The following ZAP70 variants were observed in gnomAD, a reference collection of about 807,000 sequenced individuals.
ZAP70 encodes the protein tyrosine-protein kinase ZAP-70.
In ZAP70, 27 loss-of-function variants were observed where a neutral mutation model predicts 65.8. The ratio of observed to expected loss-of-function variants is 0.41; its 90% CI spans 0.30 to 0.57. ZAP70 has a LOEUF of 0.57. Ranked by LOEUF, ZAP70 falls within the 20% of genes least tolerant of loss-of-function variation. ZAP70 has a pLI of 0.28. For synonymous variants in ZAP70, 363 were observed against 360.8 expected (o/e 1.01, Z -0.07); for missense variants, 696 against 870.5 (o/e 0.80, Z 2.52).
At chr2:97,738,908 T>C (rs1480939663) in intron 13 of ZAP70, among the ~76,000 whole-genome samples, 1 of 152,086 alleles carries the variant, frequency 6.6e-6, no homozygotes, top group Non-Finnish European at 1.5e-5. Flanking sequence ...ACAGTACCGT[T>C]AATACTGCCG....
rs746909186 is a variant in ZAP70 at position 97,724,061 on chromosome 2, C to G, written c.25C>G (p.Pro9Ala). ...GATGCCAGACCCCGCGGCGCACCTG[C>G]CCTTCTTCTACGGCAGCATCTCGCG... MPDPAAHL[P>A]FFYGSISRAE... Residue 9 changes from proline to alanine, a missense_variant, in exon 3 of 14, where the codon CCC becomes GCC. By Grantham distance (27) the Pro-to-Ala change is conservative. Transcript: ENST00000264972. 6 of 1,557,554 alleles carry G rather than the reference C, an allele frequency of 3.9e-6. No individual in the cohort carries two copies. Among genetic ancestry groups the G allele is most frequent in the Non-Finnish European group, 4.3e-6 (5 of 1,156,970 alleles).
In ZAP70 at chr2:97,732,331, CTG is replaced by C. The variant is rs1170055568; in HGVS notation, c.564-547_564-546del. Among the ~76,000 whole-genome samples the C allele has an allele frequency of 2.0e-5, 3 of 152,312 alleles. No individual in the cohort carries two copies. The East Asian group carries it at 5.8e-4, about 29-fold the overall frequency. On this transcript the variant is annotated intron_variant, in intron 4 of 13. Transcript: ENST00000264972. ...AAGCTTGTCATGGAGCTGCGCCTAC[CTG>C]TGTGGGTCTGTGTGGAAAAGGCTTT...
At chr2:97,721,568 C>T (rs1021327686) in intron 2 of ZAP70, among the ~76,000 whole-genome samples, 2 of 149,094 alleles carry the variant, frequency 1.3e-5, no homozygotes, top group South Asian at 2.1e-4. Flanking sequence ...CGCCCGCCAC[C>T]ATGGCTGGCT....
At chr2:97,750,255 T>G in the ZAP70 span, among the ~76,000 whole-genome samples, 1 of 152,184 alleles carries the variant, frequency 6.6e-6, no homozygotes, top group Non-Finnish European at 1.5e-5. Flanking sequence ...TTAAAGCAGC[T>G]GGGCTTGTTG....
downstream of ZAP70, among the ~76,000 whole-genome samples, chr2:97,740,428 G>A (rs1035410817): frequency 5.9e-5 from 9 of 152,186 alleles, no homozygotes; most frequent in African/African-American, 1.2e-4. Flanking sequence ...AGGTAGTTCA[G>A]TTTTATTAAA....
Position 97,733,536 on chromosome 2 carries a change from G to A in ZAP70, c.838-8G>A. ...CAGCTCAGGCCTTGCTGACCCTGTG[G>A]CCTTTAGCCTCAGAGACGAATCGAC... On this transcript the variant is annotated splice_polypyrimidine_tract_variant and splice_region_variant and intron_variant, in intron 7 of 13. Transcript: ENST00000264972. The A allele has an allele frequency of 6.2e-7, 1 of 1,613,644 alleles. No homozygotes were observed.
rs552933020 is a variant in ZAP70 at position 97,732,829 on chromosome 2, G to A, written c.564-54G>A. The A allele has an allele frequency of 2.2e-4, 347 of 1,610,776 alleles. 3 individuals carry two copies. In the South Asian group the frequency reaches 3.7e-3, roughly 17 times the overall value. On this transcript the variant is annotated intron_variant, in intron 4 of 13. Transcript: ENST00000264972. The stretch of plus-strand genomic sequence containing the variant: ...TGTGTTGCGGGGGAACCGGGGCACA[G>A]CAGGAGGCCCCCAGGTGGCTCTAGG...
rs1677937169 is a variant in ZAP70, at chr2:97,737,405, A to G, written c.1290-68A>G. 5.1e-6 allele frequency: 8 copies of G among 1,556,232 alleles called. No individual in the cohort carries two copies. The highest frequency in any genetic ancestry group is 1.7e-5 in the Admixed American group (1 of 59,650). On this transcript the variant is annotated intron_variant, in intron 10 of 13. Coordinates refer to ENST00000264972, the MANE Select transcript of ZAP70 (RefSeq NM_001079.4). This position sits in a 1 kb window ranked among gnomAD's most constrained non-coding sequence, Gnocchi z 5.0. ...GGCTCATGCCCAGCTGGGTCAGAGA[A>G]GCATGCTTTGCCCCTGGGAACTTGG...
Position 97,731,060 on chromosome 2 carries a change from A to C in ZAP70, c.564-1823A>C, listed in dbSNP as rs1446297738. Among the ~76,000 whole-genome samples the C allele has an allele frequency of 6.6e-6, 1 of 151,584 alleles. No individual in the cohort carries two copies. The highest frequency in any genetic ancestry group is 1.5e-5 in the Non-Finnish European group (1 of 67,800). ...GTGGAGCGAGACTCGGTCTCAAAAA[A>C]AAAAAAAAAAAAAAAGAGACAGAGG... is the stretch of plus-strand genomic sequence containing the variant. On this transcript the variant is annotated intron_variant, in intron 4 of 13. Coordinates refer to ENST00000264972, the MANE Select transcript of ZAP70 (RefSeq NM_001079.4). This position sits in a 1 kb window ranked among gnomAD's most constrained non-coding sequence, Gnocchi z 4.0.
intron 2 of ZAP70, among the ~76,000 whole-genome samples, chr2:97,716,760 C>T (rs1388600376): frequency 6.6e-6 from 1 of 152,086 alleles, no homozygotes; most frequent in Non-Finnish European, 1.5e-5. Context: ...GGGGGCCACC[C>T]TGAGGACTTG....
At chr2:97,745,155 C>T in the ZAP70 span, among the ~76,000 whole-genome samples, 5 of 152,216 alleles carry the variant, frequency 3.3e-5, no homozygotes, top group Admixed American at 6.5e-5. Flanking sequence ...CTTCCAGCCT[C>T]AGCCTCCTGA....
chr2:97,749,748 C>A, the ZAP70 span, among the ~76,000 whole-genome samples: 1 of 152,168 alleles, frequency 6.6e-6, no homozygotes. Context: ...GAACCTTGTC[C>A]CTGGACATGC....
chr2:97,747,063 T>C, the ZAP70 span, among the ~76,000 whole-genome samples: 4 of 152,206 alleles, frequency 2.6e-5, no homozygotes, highest in South Asian at 4.2e-4. Flanking sequence ...CAAAAACAAC[T>C]GTGGGAGTGG....
At chr2:97,740,731 C>A (rs562415392), downstream of ZAP70, among the ~76,000 whole-genome samples, 1 of 152,172 alleles carries the variant, frequency 6.6e-6, no homozygotes, top group African/African-American at 2.4e-5. Flanking sequence ...GGGTCAATCC[C>A]GCCCTCACTG....
rs867355716 is a variant in ZAP70, at chr2:97,739,660, C to G, written c.*162C>G. On this transcript the variant is annotated 3_prime_UTR_variant, in exon 14 of 14. Transcript: ENST00000264972. ...CACCGGCCTTGCATTGCCTGCCTGG[C>G]CCCCTGTCCTCTCTGGCTGGGGAGC... 8.8e-7 allele frequency: 1 copy of G among 1,141,596 alleles called. No homozygotes were observed. Among genetic ancestry groups the G allele is most frequent in the Non-Finnish European group, 1.2e-6 (1 of 816,084 alleles). 70.7% of individuals were successfully genotyped at this position (1,141,596 alleles called of 1,614,324 possible).
In ZAP70 at chr2:97,715,897, G is replaced by A. The variant is rs1006791278; in HGVS notation, c.-22+1903G>A. On this transcript the variant is annotated intron_variant, in intron 2 of 13. Transcript: ENST00000264972. This position sits in a 1 kb window ranked among gnomAD's most constrained non-coding sequence, Gnocchi z 4.1. ...TACACACTTGACAAATATTTGTGGG[G>A]AGGAAGCAGGAGCTTCCATAGAAAA... Among the ~76,000 whole-genome samples the A allele has an allele frequency of 9.2e-5, 14 of 152,218 alleles. No homozygotes were observed. The highest frequency in any genetic ancestry group is 2.4e-4 in the African/African-American group (10 of 41,450).
At position 97,724,391 on chromosome 2, in the gene ZAP70, C is replaced by A. The variant is rs1408574589; in HGVS notation, c.355C>A (p.Arg119=). The A allele has an allele frequency of 5.2e-6, 8 of 1,537,058 alleles. No individual in the cohort carries two copies. Among genetic ancestry groups the A allele is most frequent in the Non-Finnish European group, 7.0e-6 (8 of 1,141,744 alleles). Reference sequence around the variant, plus strand: ...GCAGCCGGGGGTCTTCGACTGCCTGCGAGACGCCATGGTGCGTGACTACGT... The same window carrying A: ...GCAGCCGGGGGTCTTCGACTGCCTGAGAGACGCCATGGTGCGTGACTACGT... ...EPQPGVFDCL[R]DAMVRDYVRQ... The change falls in exon 3 of 14, where the codon CGA becomes AGA. Residue 119 remains arginine, a synonymous_variant. Transcript: ENST00000264972.
At chr2:97,730,472 C>T (rs1009109470) in intron 4 of ZAP70, among the ~76,000 whole-genome samples, 1 of 152,172 alleles carries the variant, frequency 6.6e-6, no homozygotes, top group Non-Finnish European at 1.5e-5. Flanking sequence ...TGGGCCTTCT[C>T]TAGCAGGCTA....
Position 97,734,730 on chromosome 2 carries a change from G to C in ZAP70, c.1082+18G>C. 6.2e-7 allele frequency: 1 copy of C among 1,612,620 alleles called. No homozygotes were observed. Among genetic ancestry groups the C allele is most frequent in the East Asian group, 2.2e-5 (1 of 44,884 alleles). On this transcript the variant is annotated intron_variant, in intron 9 of 13. Transcript: ENST00000264972. The stretch of plus-strand genomic sequence containing the variant: ...ATGCGCAAGTATGGCCGCCCCTGCC[G>C]TGGTGGGAGCACCGCCGCCTGGGGC...
Sources: allele counts gnomAD v4.1 joint callset (sites outside exome capture counted in the v4.1 genomes callset), GRCh38; gene constraint gnomAD v4.1.1; non-coding constraint Gnocchi (gnomAD v3.1); transcripts MANE v1.5; gene names NCBI Gene and HGNC (gene_info 2026-07-23, HGNC 2026-07-21).